Variants in GPC6 observed in about 807,000 individuals in gnomAD.
GPC6 encodes glypican-6.
Under a neutral mutation model 55.2 loss-of-function variants are expected in GPC6, and 14 were observed. The ratio of observed to expected loss-of-function variants is 0.25; its 90% confidence interval spans 0.17 to 0.40. The LOEUF (loss-of-function observed/expected upper bound fraction) is 0.40. Among genes scored for constraint, GPC6 ranks in the 10% least tolerant of loss-of-function variants. The probability of loss-of-function intolerance (pLI) is 1.00; values close to 1 mark genes in which losing one functional copy is unlikely to be tolerated. For missense variants in GPC6, 641 were observed against 708.5 expected (o/e 0.90, Z 1.08); for synonymous variants, 278 against 259.6 (o/e 1.07, Z -0.68).
intron 1 of GPC6, among the ~76,000 whole-genome samples, chr13:93,344,270 T>G (rs1056704598): frequency 6.6e-6 from 1 of 152,160 alleles, no homozygotes; most frequent in Admixed American, 6.5e-5. Context: ...AAGAGGGACA[T>G]TTCCTGCAAG....
At chr13:93,664,537 G>A (rs1171705373) in intron 2 of GPC6, among the ~76,000 whole-genome samples, 1 of 152,112 alleles carries the variant, frequency 6.6e-6, no homozygotes, top group African/African-American at 2.4e-5. Flanking sequence ...CACCCATGAT[G>A]TTTCCAGTGT....
chr13:93,489,994 C>T (rs1015177757), intron 1 of GPC6, among the ~76,000 whole-genome samples: 4 of 150,994 alleles, frequency 2.6e-5, no homozygotes, highest in African/African-American at 9.7e-5. Context: ...GCCAGAACTT[C>T]CAACACTATG....
At chr13:94,308,311 C>G (rs953157475) in intron 6 of GPC6, among the ~76,000 whole-genome samples, 3 of 152,138 alleles carry the variant, frequency 2.0e-5, no homozygotes, top group Admixed American at 1.3e-4. Context: ...AGAATTTTCT[C>G]TGGTGTTTAA....
At chr13:93,741,503 A>G (rs925441212) in intron 2 of GPC6, among the ~76,000 whole-genome samples, 3 of 152,080 alleles carry the variant, frequency 2.0e-5, no homozygotes, top group African/African-American at 7.2e-5. Context: ...CCTGTTTCTC[A>G]TGCTCATGCT....
At chr13:94,351,983 G>A (rs374113876) in intron 6 of GPC6, among the ~76,000 whole-genome samples, 123 of 135,280 alleles carry the variant, frequency 9.1e-4, no homozygotes, top group Middle Eastern at 3.8e-3. Flanking sequence ...AAAAAAAAAA[G>A]AAAAAGAAAA....
At chr13:93,545,157 T>C (rs1050129995) in intron 1 of GPC6, 106 bp from the exon 2 acceptor site, 3 of 931,808 alleles carry the variant, frequency 3.2e-6, no homozygotes, top group Non-Finnish European at 1.7e-6. Flanking sequence ...GAGAAGTAGA[T>C]GGAACAAGCA....
intron 2 of GPC6, among the ~76,000 whole-genome samples, chr13:93,624,504 T>C (rs1879111004): frequency 6.6e-6 from 1 of 152,208 alleles, no homozygotes; most frequent in Non-Finnish European, 1.5e-5. Context: ...TGAATGGAAA[T>C]GCAAGATTAA....
intron 2 of GPC6, among the ~76,000 whole-genome samples, chr13:93,665,505 A>G (rs1021163539): frequency 6.6e-6 from 1 of 152,124 alleles, no homozygotes; most frequent in African/African-American, 2.4e-5. Context: ...TGTGTGCATA[A>G]ACATATGTTT....
intron 6 of GPC6, among the ~76,000 whole-genome samples, chr13:94,356,218 G>A (rs1878788904): frequency 6.6e-6 from 1 of 152,168 alleles, no homozygotes; most frequent in Non-Finnish European, 1.5e-5. Flanking sequence ...TTGATTCCAT[G>A]TCTTTGCTAT....
intron 5 of GPC6, among the ~76,000 whole-genome samples, chr13:94,291,454 TATC>T (rs985075210): frequency 6.6e-6 from 1 of 152,182 alleles, no homozygotes; most frequent in African/African-American, 2.4e-5. Context: ...CAGCTTTAAA[TATC>T]ATGGAGAGGT....
chr13:93,887,838 A>G (rs971879575), intron 3 of GPC6, among the ~76,000 whole-genome samples: 9 of 152,130 alleles, frequency 5.9e-5, no homozygotes, highest in Admixed American at 5.9e-4. Context: ...AGGTAGCAAA[A>G]TTTTATATCT....
chr13:94,123,659 G>A (rs1388644121), intron 4 of GPC6, among the ~76,000 whole-genome samples: 2 of 151,872 alleles, frequency 1.3e-5, no homozygotes, highest in African/African-American at 4.8e-5. Context: ...GAGCTCTTAA[G>A]CAACTGTGTG....
chr13:94,096,167 C>A (rs891472380), intron 4 of GPC6, among the ~76,000 whole-genome samples: 1 of 152,066 alleles, frequency 6.6e-6, no homozygotes, highest in Non-Finnish European at 1.5e-5. Flanking sequence ...GTACTGACAA[C>A]CTAAAACACA....
chr13:93,664,615 TTTTG>T (rs59186070), intron 2 of GPC6, among the ~76,000 whole-genome samples: 23 of 151,280 alleles, frequency 1.5e-4, no homozygotes, highest in African/African-American at 5.3e-4. Context: ...CACAAGCCAA[TTTTG>T]TTTGTTTGTT....
At chr13:93,702,986 T>G (rs1055944153) in intron 2 of GPC6, among the ~76,000 whole-genome samples, 29 of 151,988 alleles carry the variant, frequency 1.9e-4, no homozygotes, top group African/African-American at 6.5e-4. Context: ...GCACTTTTCA[T>G]TTTTTTCAAG....
At chr13:93,739,530 C>T (rs150307618) in intron 2 of GPC6, among the ~76,000 whole-genome samples, 5,848 of 151,424 alleles carry the variant, frequency 0.039, 371 homozygotes, top group African/African-American at 0.13. Flanking sequence ...CCCGGGTTCG[C>T]GCCATTCTCC....
At chr13:93,755,430 A>T (rs1233713208) in intron 2 of GPC6, among the ~76,000 whole-genome samples, 1 of 152,168 alleles carries the variant, frequency 6.6e-6, no homozygotes, top group Admixed American at 6.6e-5. Flanking sequence ...CTAAGTAAAT[A>T]CAGATTATGT....
intron 2 of GPC6, among the ~76,000 whole-genome samples, chr13:93,605,123 A>G (rs1878183832): frequency 6.6e-6 from 1 of 152,132 alleles, no homozygotes; most frequent in Admixed American, 6.5e-5. Flanking sequence ...TACAAACTAG[A>G]TATCAGATAG....
intron 4 of GPC6, among the ~76,000 whole-genome samples, chr13:94,054,088 T>C (rs1289402735): frequency 6.6e-6 from 1 of 152,176 alleles, no homozygotes; most frequent in Admixed American, 6.6e-5. Flanking sequence ...TTCTAATGCT[T>C]TGTTCACCAG....
Sources: allele counts gnomAD v4.1 joint callset (sites outside exome capture counted in the v4.1 genomes callset), GRCh38; gene constraint gnomAD v4.1.1; transcripts MANE v1.5; gene names NCBI Gene and HGNC (gene_info 2026-07-23, HGNC 2026-07-21).